PAM: variants seen among roughly 807,000 people sequenced by gnomAD.
PAM encodes the protein peptidyl-glycine alpha-amidating monooxygenase.
Under a neutral mutation model 122.1 loss-of-function variants are expected in PAM, and 72 were observed. The observed-to-expected ratio is 0.59, with a 90% CI of 0.49 to 0.72. The LOEUF is 0.72. Ranked by LOEUF, PAM falls within the 30% of genes least tolerant of loss-of-function variation. The probability of loss-of-function intolerance (pLI) is 0.00; values close to 1 mark genes in which losing one functional copy is unlikely to be tolerated. For missense variants in PAM, 1,106 were observed against 1,183.7 expected (o/e 0.93, Z 0.96); for synonymous variants, 389 against 404.4 (o/e 0.96, Z 0.46).
intron 7 of PAM, among the ~76,000 whole-genome samples, chr5:102,927,744 A>T (rs1344812872): frequency 6.7e-6 from 1 of 149,766 alleles, no homozygotes; most frequent in Non-Finnish European, 1.5e-5. Context: ...TTATCAATTA[A>T]TATATTTATT....
At chr5:102,802,462 A>C (rs541588959) in intron 1 of PAM, among the ~76,000 whole-genome samples, 1 of 152,312 alleles carries the variant, frequency 6.6e-6, no homozygotes, top group South Asian at 2.1e-4. Flanking sequence ...ATAGACTGAG[A>C]AAAGGACCCA....
upstream of PAM, chr5:102,755,267 G>C (rs1174876920): frequency 6.6e-6 from 1 of 152,268 alleles, no homozygotes; most frequent in African/African-American, 2.4e-5. Flanking sequence ...CCAGGGAGCC[G>C]GAGCCTCCAA....
chr5:102,841,406 TACACACAC>T (rs35825092), intron 1 of PAM, among the ~76,000 whole-genome samples: 2,107 of 138,532 alleles, frequency 0.015, 39 homozygotes, highest in African/African-American at 0.048. Flanking sequence ...CACCTACAAA[TACACACAC>T]ACACACACAC....
chr5:102,787,466 C>T lies in PAM; in HGVS notation c.-374+32118C>T, dbSNP rs538861141. ...GTGGGGACAAAACTGCCTCCTTTAA[C>T]AGCTAAAATGTGAATGTAAATTTTT... is the stretch of plus-strand genomic sequence containing the variant. On this transcript the variant is annotated intron_variant, in intron 1 of 25. Transcript: ENST00000438793. Among the ~76,000 whole-genome samples the T allele has an allele frequency of 2.0e-5, 3 of 151,954 alleles. No homozygotes were observed. In the East Asian group the frequency reaches 5.9e-4, roughly 30 times the overall value.
chr5:102,910,771 C>G (rs1040789221), intron 4 of PAM, among the ~76,000 whole-genome samples: 3 of 151,714 alleles, frequency 2.0e-5, no homozygotes, highest in African/African-American at 7.3e-5. Flanking sequence ...AGCTCTCTTC[C>G]CCTTGGATCC....
intron 3 of PAM, among the ~76,000 whole-genome samples, chr5:102,875,943 A>G (rs1431161150): frequency 6.6e-6 from 1 of 152,224 alleles, no homozygotes; most frequent in East Asian, 1.9e-4. Context: ...TGACTTACAG[A>G]ACAGAAAGAA....
intron 2 of PAM, among the ~76,000 whole-genome samples, chr5:102,866,962 CAT>C (rs904058946): frequency 1.8e-4 from 27 of 152,130 alleles, no homozygotes; most frequent in African/African-American, 5.8e-4. Context: ...TATGTTTTGA[CAT>C]ATTTTTATAT....
intron 3 of PAM, among the ~76,000 whole-genome samples, chr5:102,896,919 T>G (rs1282319273): frequency 6.6e-6 from 1 of 151,656 alleles, no homozygotes; most frequent in Non-Finnish European, 1.5e-5. Flanking sequence ...CTTCCTTTTA[T>G]ACTAGGATGA....
At chr5:102,931,425 C>G (rs761674444) in intron 7 of PAM, among the ~76,000 whole-genome samples, 3 of 152,124 alleles carry the variant, frequency 2.0e-5, no homozygotes, top group Non-Finnish European at 4.4e-5. Flanking sequence ...GTTTCCCTCT[C>G]CCCCTTTTTT....
chr5:103,008,902 A>G (rs1478938798), intron 20 of PAM, among the ~76,000 whole-genome samples: 1 of 152,164 alleles, frequency 6.6e-6, no homozygotes, highest in African/African-American at 2.4e-5. Flanking sequence ...ACAGAATCTA[A>G]GCAAAAGATA....
At chr5:103,028,259 A>T in intron 25 of PAM, 21 bp downstream of exon 25, 1 of 1,547,932 alleles carries the variant, frequency 6.5e-7, no homozygotes, top group Non-Finnish European at 8.9e-7. Flanking sequence ...GACCTTTTAG[A>T]ACCCTTCATG....
intron 12 of PAM, among the ~76,000 whole-genome samples, chr5:102,954,442 A>G (rs2150134785): frequency 6.6e-6 from 1 of 152,066 alleles, no homozygotes; most frequent in African/African-American, 2.4e-5. Context: ...TAATATTAAT[A>G]ATAAAAACTA....
intron 3 of PAM, among the ~76,000 whole-genome samples, chr5:102,882,195 C>CT: frequency 6.9e-6 from 1 of 145,652 alleles, no homozygotes. Flanking sequence ...GTTCAAGTAT[C>CT]TTTTTTTGTA....
At chr5:102,797,936 T>G (rs1477876950) in intron 1 of PAM, among the ~76,000 whole-genome samples, 1 of 152,172 alleles carries the variant, frequency 6.6e-6, no homozygotes, top group East Asian at 1.9e-4. Flanking sequence ...CAGTATATTC[T>G]ATGGCCTATT....
intron 1 of PAM, among the ~76,000 whole-genome samples, chr5:102,787,498 C>T (rs771057878): frequency 1.9e-4 from 29 of 151,398 alleles, no homozygotes; most frequent in Non-Finnish European, 3.8e-4. Context: ...TTTTCTATAC[C>T]TTTCACTAAG....
chr5:102,810,197 G>A (rs1015283193), intron 1 of PAM, among the ~76,000 whole-genome samples: 2 of 151,996 alleles, frequency 1.3e-5, no homozygotes, highest in African/African-American at 2.4e-5. Flanking sequence ...TAATAATTAC[G>A]AAATATTTCT....
intron 1 of PAM, among the ~76,000 whole-genome samples, chr5:102,858,651 T>C (rs1281501616): frequency 6.6e-6 from 1 of 152,210 alleles, no homozygotes; most frequent in African/African-American, 2.4e-5. Context: ...CCATATTTAA[T>C]AAAATATTTT....
chr5:102,924,870 C>A, intron 5 of PAM, 87 bp from the exon 6 acceptor site: 1 of 753,140 alleles, frequency 1.3e-6, no homozygotes, highest in Admixed American at 1.9e-5. Context: ...GTTTCAAATA[C>A]CTTCCCCCAT....
chr5:103,008,685 A>G (rs553922171), intron 20 of PAM, among the ~76,000 whole-genome samples: 1 of 152,288 alleles, frequency 6.6e-6, no homozygotes, highest in East Asian at 1.9e-4. Context: ...GGTGATTGAT[A>G]GAGAGCAAAT....
Sources: allele counts gnomAD v4.1 joint callset (sites outside exome capture counted in the v4.1 genomes callset), GRCh38; gene constraint gnomAD v4.1.1; transcripts MANE v1.5; gene names NCBI Gene and HGNC (gene_info 2026-07-23, HGNC 2026-07-21).